XIRP2: variants seen among roughly 807,000 people sequenced by gnomAD.
The protein encoded by XIRP2 is xin actin-binding repeat-containing protein 2.
A neutral mutation model predicts 277.0 loss-of-function variants in XIRP2; 236 were observed. The ratio of observed to expected loss-of-function variants is 0.85; its 90% CI spans 0.77 to 0.95. XIRP2 has a LOEUF of 0.95. Among genes scored for constraint, XIRP2 ranks in the 40% least tolerant of loss-of-function variants. The pLI is 0.00. For missense variants in XIRP2, 4,640 were observed against 4,157.5 expected, an observed-to-expected ratio of 1.12 and a Z score of -3.19; for synonymous variants, 1,490 against 1,416.5, an observed-to-expected ratio of 1.05 and a Z score of -1.17.
chr2:167,138,885 G>A (rs917326202), intron 3 of XIRP2, among the ~76,000 whole-genome samples: 2 of 152,000 alleles, frequency 1.3e-5, no homozygotes, highest in Admixed American at 6.6e-5. Context: ...CGACCAACAT[G>A]GTGAAACCCC....
intron 2 of XIRP2, among the ~76,000 whole-genome samples, chr2:167,120,812 G>A (rs1488343151): frequency 2.0e-5 from 3 of 152,018 alleles, no homozygotes; most frequent in African/African-American, 4.8e-5. Flanking sequence ...ATTTAATTTT[G>A]TATATAAAAG....
chr2:166,938,415 T>A (rs1299030777), intron 2 of XIRP2, among the ~76,000 whole-genome samples: 6 of 152,242 alleles, frequency 3.9e-5, no homozygotes, highest in Non-Finnish European at 7.3e-5. Flanking sequence ...TTGAGTGAGT[T>A]TCTTAATCCT....
chr2:167,138,994 C>T (rs1574289499), intron 3 of XIRP2, among the ~76,000 whole-genome samples: 1 of 151,776 alleles, frequency 6.6e-6, no homozygotes, highest in African/African-American at 2.4e-5. Flanking sequence ...TTGAACCTGG[C>T]AGGTGGAGGC....
chr2:167,217,651 T>C (rs1694295640), intron 4 of XIRP2, among the ~76,000 whole-genome samples: 2 of 152,196 alleles, frequency 1.3e-5, no homozygotes, highest in Admixed American at 6.5e-5. Flanking sequence ...ATAAGTAGTC[T>C]CATTATTCAT....
intron 3 of XIRP2, among the ~76,000 whole-genome samples, chr2:167,153,814 G>C (rs1692097028): frequency 6.7e-6 from 1 of 149,928 alleles, no homozygotes. Context: ...ATCATTGTTG[G>C]ACATTTGGTT....
At chr2:167,078,135 G>A (rs988173399) in intron 2 of XIRP2, among the ~76,000 whole-genome samples, 1 of 152,152 alleles carries the variant, frequency 6.6e-6, no homozygotes, top group African/African-American at 2.4e-5. Flanking sequence ...TCATTTGTCT[G>A]CGTCATCTAT....
At position 166,954,868 on chromosome 2, in the gene XIRP2, AACACAGGG is replaced by A. The variant is rs531963389; in HGVS notation, c.408+50988_408+50995del. Among the ~76,000 whole-genome samples the A allele has an allele frequency of 1.5e-3, 231 of 151,998 alleles. 2 individuals are homozygous for A. Among genetic ancestry groups the A allele is most frequent in the African/African-American group, 5.2e-3 (217 of 41,504 alleles). On this transcript the variant is annotated intron_variant, in intron 2 of 10. Coordinates refer to ENST00000409195, the MANE Select transcript of XIRP2 (RefSeq NM_152381.6). ...TTATAAGTAGGAGTTGAACAATGAG[AACACAGGG>A]ACACAGGGAGGGGAACAACACACAC...
chr2:167,099,849 C>T (rs770269198), intron 2 of XIRP2, among the ~76,000 whole-genome samples: 1 of 152,046 alleles, frequency 6.6e-6, no homozygotes, highest in Non-Finnish European at 1.5e-5. Context: ...ACTGTCTAAC[C>T]AGTCCCAATG....
chr2:166,999,171 A>G (rs2105452796), intron 2 of XIRP2, among the ~76,000 whole-genome samples: 1 of 152,282 alleles, frequency 6.6e-6, no homozygotes, highest in African/African-American at 2.4e-5. Context: ...AAGGATGCTT[A>G]ATATATTTAT....
chr2:166,892,487 A>G (rs2105325813), intron 1 of XIRP2, among the ~76,000 whole-genome samples: 1 of 152,304 alleles, frequency 6.6e-6, no homozygotes, highest in South Asian at 2.1e-4. Context: ...CATGCAATCC[A>G]GACCCTTTGC....
chr2:167,176,593 A>G (rs1348179026), intron 3 of XIRP2, among the ~76,000 whole-genome samples: 1 of 152,092 alleles, frequency 6.6e-6, no homozygotes, highest in Non-Finnish European at 1.5e-5. Context: ...ATGATTTTTT[A>G]ATTGAGTACT....
chr2:167,195,685 C>CA (rs1039045592), intron 3 of XIRP2, among the ~76,000 whole-genome samples: 2 of 151,980 alleles, frequency 1.3e-5, no homozygotes, highest in South Asian at 2.1e-4. Flanking sequence ...GAAGAGGAAG[C>CA]AAAAAAATCA....
At chr2:167,024,486 C>G (rs991524743) in intron 2 of XIRP2, among the ~76,000 whole-genome samples, 2 of 152,104 alleles carry the variant, frequency 1.3e-5, no homozygotes, top group African/African-American at 4.8e-5. Context: ...ACTTCCCACA[C>G]TATGTTGAAT....
chr2:167,023,949 G>A (rs1688064878), intron 2 of XIRP2, among the ~76,000 whole-genome samples: 1 of 151,934 alleles, frequency 6.6e-6, no homozygotes, highest in Non-Finnish European at 1.5e-5. Context: ...GCTCTTTTTT[G>A]GTTCCATATG....
At chr2:166,976,597 C>T (rs778595063) in intron 2 of XIRP2, among the ~76,000 whole-genome samples, 6 of 152,180 alleles carry the variant, frequency 3.9e-5, no homozygotes, top group Non-Finnish European at 7.3e-5. Flanking sequence ...TTTCCCACTT[C>T]ACAAACGTAA....
Position 167,248,858 on chromosome 2 carries a change from G to T in XIRP2, c.7466G>T (p.Arg2489Ile), listed in dbSNP as rs748664415. Reference sequence around the variant, plus strand: ...GTTATTAGTAAGAGTCTTGATGAAAGAAAACAATTATCTATTGACTCTGCA... The same window carrying T: ...GTTATTAGTAAGAGTCTTGATGAAATAAAACAATTATCTATTGACTCTGCA... ...QNVISKSLDE[R>I]KQLSIDSANC... is the part of the protein sequence containing the mutation. Residue 2489 changes from arginine (R) to isoleucine (I), a missense_variant, in exon 9 of 11, where the codon AGA (arginine) becomes ATA (isoleucine). Physicochemically the swap from Arg to Ile is moderately conservative, Grantham distance 97 (BLOSUM62 -3). Coordinates refer to ENST00000409195, the MANE Select transcript of XIRP2 (RefSeq NM_152381.6). The T allele has an allele frequency of 3.1e-6, 5 of 1,613,386 alleles. No individual in the cohort carries two copies. The highest frequency in any genetic ancestry group is 2.2e-5 in the East Asian group (1 of 44,838).
chr2:167,070,694 A>G (rs1169130414), intron 2 of XIRP2, among the ~76,000 whole-genome samples: 1 of 152,150 alleles, frequency 6.6e-6, no homozygotes, highest in Non-Finnish European at 1.5e-5. Context: ...ATAGAGGCAG[A>G]CAATATGTCT....
chr2:167,018,138 C>T (rs1558949310), intron 2 of XIRP2, among the ~76,000 whole-genome samples: 2 of 152,112 alleles, frequency 1.3e-5, no homozygotes, highest in African/African-American at 2.4e-5. Context: ...ATAGCAATAA[C>T]CAGCCAACTC....
intron 2 of XIRP2, among the ~76,000 whole-genome samples, chr2:167,078,562 A>C (rs1379047616): frequency 6.6e-6 from 1 of 151,980 alleles, no homozygotes; most frequent in African/African-American, 2.4e-5. Context: ...ACTGGCCGGG[A>C]GTGGTGGCTC....
Sources: allele counts gnomAD v4.1 joint callset (sites outside exome capture counted in the v4.1 genomes callset), GRCh38; gene constraint gnomAD v4.1.1; transcripts MANE v1.5; gene names NCBI Gene and HGNC (gene_info 2026-07-23, HGNC 2026-07-21).